Variants in HTR1F observed in about 807,000 individuals in gnomAD.
HTR1F encodes 5-hydroxytryptamine (serotonin) receptor 1F, G protein-coupled.
HTR1F carries 17 observed loss-of-function variants against 24.0 expected under a neutral mutation model. That is an observed-to-expected ratio of 0.71 (90% CI 0.48 to 1.06). The LOEUF (loss-of-function observed/expected upper bound fraction) is 1.06. Among genes scored for constraint, HTR1F ranks in the 50% least tolerant of loss-of-function variants. HTR1F has a pLI of 0.00. For synonymous variants in HTR1F, 186 were observed against 156.8 expected (o/e 1.19, Z -1.39); for missense variants, 391 against 427.8 (o/e 0.91, Z 0.76).
intron 2 of HTR1F, among the ~76,000 whole-genome samples, chr3:87,958,910 C>A (rs1403978558): frequency 6.6e-6 from 1 of 151,590 alleles, no homozygotes; most frequent in Non-Finnish European, 1.5e-5. Context: ...CACCACCATG[C>A]ATTTGGTACT....
At chr3:87,955,560 A>G (rs1434593255) in intron 2 of HTR1F, among the ~76,000 whole-genome samples, 1 of 151,492 alleles carries the variant, frequency 6.6e-6, no homozygotes, top group Non-Finnish European at 1.5e-5. Flanking sequence ...AGTCCTTGCA[A>G]TGGAATGGCT....
At chr3:87,870,166 G>A (rs1328268367) in intron 2 of HTR1F, among the ~76,000 whole-genome samples, 2 of 152,004 alleles carry the variant, frequency 1.3e-5, no homozygotes, top group African/African-American at 4.8e-5. Context: ...CTATAAGTGA[G>A]TTTTCTATAA....
At chr3:87,847,906 A>T (rs192714428) in intron 2 of HTR1F, among the ~76,000 whole-genome samples, 1 of 151,998 alleles carries the variant, frequency 6.6e-6, no homozygotes, top group East Asian at 1.9e-4. Flanking sequence ...TTCATTGTGC[A>T]TATATACCAC....
intron 2 of HTR1F, among the ~76,000 whole-genome samples, chr3:87,829,707 T>C (rs1335855096): frequency 6.6e-6 from 1 of 152,218 alleles, no homozygotes; most frequent in African/African-American, 2.4e-5. Context: ...AAACACACTT[T>C]TATGCTCATG....
intron 2 of HTR1F, among the ~76,000 whole-genome samples, chr3:87,964,554 A>G (rs531150698): frequency 2.6e-5 from 4 of 152,194 alleles, no homozygotes; most frequent in South Asian, 2.1e-4. Context: ...GAGTTTACCA[A>G]TAGGACAGAG....
chr3:87,956,269 T>A (rs1180649572), intron 2 of HTR1F, among the ~76,000 whole-genome samples: 1 of 151,536 alleles, frequency 6.6e-6, no homozygotes, highest in East Asian at 1.9e-4. Flanking sequence ...AGGTATTTAA[T>A]AGACTTTCCT....
chr3:87,925,900 C>T (rs1704115213), intron 2 of HTR1F, among the ~76,000 whole-genome samples: 1 of 152,136 alleles, frequency 6.6e-6, no homozygotes, highest in South Asian at 2.1e-4. Flanking sequence ...TTACTTCTTG[C>T]TGAATTCCAG....
At chr3:87,923,075 A>C (rs776608760) in intron 2 of HTR1F, among the ~76,000 whole-genome samples, 1 of 151,888 alleles carries the variant, frequency 6.6e-6, no homozygotes, top group Non-Finnish European at 1.5e-5. Flanking sequence ...GTTGGCTGTA[A>C]ATCTGTGGAT....
intron 1 of HTR1F, among the ~76,000 whole-genome samples, chr3:87,800,638 A>G (rs974573334): frequency 5.3e-5 from 8 of 152,182 alleles, no homozygotes; most frequent in Admixed American, 4.6e-4. Flanking sequence ...CTTCAGACTG[A>G]ATGAACTGTA....
chr3:87,992,669 A>G lies in HTR1F; in HGVS notation c.*819A>G, dbSNP rs927699260. ...AATCAAATTTAAAGCACTAAATATC[A>G]TAGATTACTCACCACAGTTATACTC... On this transcript the variant is annotated 3_prime_UTR_variant, in exon 3 of 3. Transcript: ENST00000319595. The G allele has an allele frequency of 6.0e-6, 1 of 167,044 alleles. No individual in the cohort carries two copies. The allele number at this position is 167,044 out of a possible 1,614,324, so 10.3% of individuals were successfully genotyped here. A position where few individuals can be genotyped will look rare whatever the true frequency, so the allele number is the denominator to read the frequency against.
rs867869936 is a variant in HTR1F at position 87,852,191 on chromosome 3, T to C, written c.-43+30067T>C. Among the ~76,000 whole-genome samples the C allele has an allele frequency of 7.6e-4, 116 of 151,824 alleles. 2 individuals carry two copies. Among genetic ancestry groups the C allele is most frequent in the African/African-American group, 2.5e-3 (104 of 41,328 alleles). On this transcript the variant is annotated intron_variant, in intron 2 of 2. Transcript: ENST00000319595. ...GAATAAAATGATTACCCATAGTTTT[T>C]TGCCCAAGTTTTCATTGCATTTTAT...
chr3:87,953,992 T>C (rs1489429408), intron 2 of HTR1F, among the ~76,000 whole-genome samples: 1 of 151,704 alleles, frequency 6.6e-6, no homozygotes, highest in Non-Finnish European at 1.5e-5. Flanking sequence ...GTTAATCTCA[T>C]GGAGGTAAAG....
chr3:87,931,902 T>G (rs1704283158), intron 2 of HTR1F, among the ~76,000 whole-genome samples: 1 of 151,808 alleles, frequency 6.6e-6, no homozygotes, highest in African/African-American at 2.4e-5. Context: ...GTTGTTTTTT[T>G]CTTGTAAATT....
At chr3:87,816,397 T>A (rs1408782540) in intron 1 of HTR1F, among the ~76,000 whole-genome samples, 1 of 152,020 alleles carries the variant, frequency 6.6e-6, no homozygotes, top group Non-Finnish European at 1.5e-5. Flanking sequence ...TACTTGGAGG[T>A]CAACCGGAAG....
chr3:87,866,505 CA>C (rs1243130165), intron 2 of HTR1F, among the ~76,000 whole-genome samples: 2 of 151,706 alleles, frequency 1.3e-5, no homozygotes, highest in Non-Finnish European at 1.5e-5. Flanking sequence ...AAGCCATCAC[CA>C]GATTTTACCT....
chr3:87,815,641 T>A (rs1489612691), intron 1 of HTR1F, among the ~76,000 whole-genome samples: 1 of 152,048 alleles, frequency 6.6e-6, no homozygotes, highest in Non-Finnish European at 1.5e-5. Context: ...ACATTGAAAG[T>A]TTTTGACAAG....
intron 2 of HTR1F, among the ~76,000 whole-genome samples, chr3:87,905,994 A>G (rs1576012182): frequency 6.6e-6 from 1 of 152,074 alleles, no homozygotes; most frequent in African/African-American, 2.4e-5. Context: ...GCAAGGTTCA[A>G]TTTCTTGACC....
At chr3:87,846,295 G>A (rs1239997898) in intron 2 of HTR1F, among the ~76,000 whole-genome samples, 1 of 151,804 alleles carries the variant, frequency 6.6e-6, no homozygotes, top group Non-Finnish European at 1.5e-5. Flanking sequence ...TTAGCCAGGT[G>A]TGATGGCAAG....
intron 2 of HTR1F, among the ~76,000 whole-genome samples, chr3:87,915,240 C>G (rs372158400): frequency 2.0e-5 from 3 of 152,228 alleles, no homozygotes; most frequent in Admixed American, 1.3e-4. Flanking sequence ...ACAGAGCCTA[C>G]CCAAATGAGA....
Sources: gnomAD v4.1 joint callset for allele counts (sites outside exome capture counted in the v4.1 genomes callset) on GRCh38, gnomAD v4.1.1 for gene constraint, MANE v1.5 for transcripts, NCBI Gene and HGNC (gene_info 2026-07-23, HGNC 2026-07-21) for gene names.